STAG2: variants seen among roughly 807,000 people sequenced by gnomAD.
The protein encoded by STAG2 is cohesin subunit SA-2.
In STAG2, 14 loss-of-function variants were observed where a neutral mutation model predicts 108.1. The ratio of observed to expected loss-of-function variants is 0.13; its 90% CI spans 0.09 to 0.20. The LOEUF is 0.20. STAG2 is among the 10% of genes least tolerant of loss of function. The probability of loss-of-function intolerance (pLI) is 1.00; values close to 1 mark genes in which losing one functional copy is unlikely to be tolerated. For synonymous variants in STAG2, 307 were observed against 302.7 expected (o/e 1.01, Z -0.15); for missense variants, 440 against 940.9 (o/e 0.47, Z 6.96).
intron 32 of STAG2, among the ~76,000 whole-genome samples, chrX:124,092,055 A>G (rs1324802697): frequency 9.0e-6 from 1 of 111,547 alleles, no homozygotes; most frequent in African/African-American, 3.3e-5. Flanking sequence ...AATGTGGTAT[A>G]TGTTTTACTA....
intron 28 of STAG2, among the ~76,000 whole-genome samples, chrX:124,082,333 A>G (rs1405752909): frequency 8.9e-5 from 10 of 111,744 alleles, no homozygotes; most frequent in African/African-American, 1.6e-4. Context: ...TTAGTGATCA[A>G]TTGCACTTTT....
intron 1 of STAG2, among the ~76,000 whole-genome samples, chrX:124,007,141 C>T (rs942119855): frequency 9.5e-6 from 1 of 105,373 alleles, no homozygotes; most frequent in African/African-American, 3.5e-5. Context: ...CCTCCCCCTC[C>T]ACCCTTTCCC....
chrX:124,039,749 C>CA (rs2057648699), intron 6 of STAG2, among the ~76,000 whole-genome samples: 1 of 109,094 alleles, frequency 9.2e-6, no homozygotes, highest in Non-Finnish European at 1.9e-5. Flanking sequence ...CTTGGCCTCC[C>CA]AAAGTGCTGG....
rs749657727 is a variant in STAG2 at position 124,058,281 on chromosome X, C to T, written c.1416+304C>T. 1.4e-3 allele frequency among the ~76,000 whole-genome samples: 148 copies of T among 109,483 alleles called. 1 individual carries two copies. Among genetic ancestry groups the T allele is most frequent in the African/African-American group, 4.8e-3 (144 of 30,100 alleles). On this transcript the variant is annotated intron_variant, in intron 15 of 34. Transcript: ENST00000371145. ...CAAGCAGTTCTCCTGCCTCAGCCTC[C>T]CGAGTAGCTGGGCTTCCAGGCGTGT... is the stretch of plus-strand genomic sequence containing the variant.
chrX:124,084,225 A>C (rs186329992), intron 29 of STAG2, among the ~76,000 whole-genome samples: 4 of 112,231 alleles, frequency 3.6e-5, no homozygotes, highest in African/African-American at 1.3e-4. Flanking sequence ...TATAGATTTT[A>C]TATGAAATTC....
At chrX:123,963,444 G>A (rs759266179) in intron 1 of STAG2, 3 of 111,083 alleles carry the variant, frequency 2.7e-5, no homozygotes, top group Non-Finnish European at 5.7e-5. Flanking sequence ...TGAACAGTGG[G>A]GTTAATTTTC....
chrX:124,061,397 A>G (rs2058371824), intron 16 of STAG2, 56 bp downstream of exon 16: 1 of 851,916 alleles, frequency 1.2e-6, no homozygotes, highest in Non-Finnish European at 1.7e-6. Context: ...GTAGATTTTT[A>G]CTCATTCCAT....
At chrX:124,014,988 T>C (rs1420165636) in intron 1 of STAG2, among the ~76,000 whole-genome samples, 5 of 79,265 alleles carry the variant, frequency 6.3e-5, no homozygotes, top group Admixed American at 2.8e-4. Context: ...TCTTTTTTTT[T>C]TTTTTTTTTT....
At chrX:124,042,787 G>A (rs896063334) in intron 7 of STAG2, 142 bp downstream of exon 7, 14 of 447,563 alleles carry the variant, frequency 3.1e-5, no homozygotes, top group South Asian at 7.6e-5. Context: ...CGAGGCAGGC[G>A]GATCACCTGA....
At chrX:124,009,431 G>GATAGATAGA (rs1569501865) in intron 1 of STAG2, among the ~76,000 whole-genome samples, 27 of 53,936 alleles carry the variant, frequency 5.0e-4, no homozygotes, top group East Asian at 2.2e-3. Flanking sequence ...AGGTAGGTAG[G>GATAGATAGA]TAGGTAGGTA....
chrX:123,985,144 C>CT (rs992669998), intron 1 of STAG2, among the ~76,000 whole-genome samples: 92 of 107,314 alleles, frequency 8.6e-4, no homozygotes, highest in African/African-American at 2.6e-3. Context: ...TCATTAAATA[C>CT]TTTTTTTTTT....
chrX:123,965,309 A>G (rs931023201), intron 1 of STAG2, among the ~76,000 whole-genome samples: 1 of 112,251 alleles, frequency 8.9e-6, no homozygotes, highest in Non-Finnish European at 1.9e-5. Flanking sequence ...AAACTACTAC[A>G]CTAACACATG....
chrX:124,057,994 T>C lies in STAG2; in HGVS notation c.1416+17T>C, dbSNP rs779041890. 2.7e-6 allele frequency: 3 copies of C among 1,091,682 alleles called. No homozygotes were observed. The South Asian group carries it at 6.3e-5, about 23-fold the overall frequency. 90.0% of individuals were successfully genotyped at this position (1,091,682 alleles called of 1,213,427 possible). On this transcript the variant is annotated intron_variant, in intron 15 of 34. Coordinates refer to ENST00000371145, the MANE Select transcript of STAG2 (RefSeq NM_001042750.2). ...GAAAGTGAGGTTAGTTGATAGTATT[T>C]ATTTTATACTTAGGTTCGAAAAATT...
In STAG2 at chrX:124,042,639, C is replaced by T. The variant is rs2057753508; in HGVS notation, c.456C>T (p.Phe152=). The change falls in exon 7 of 35, where the codon TTC becomes TTT. Residue 152 remains phenylalanine, a synonymous_variant. Transcript: ENST00000371145. ...TAATTCGAAAAATGACTGAAGAATT[C>T]GATGAGGTAACTTACTACCTTAAGT... is the stretch of plus-strand genomic sequence containing the variant. ...SEIIRKMTEE[F]DEDSGDYPLT... The T allele has an allele frequency of 3.4e-6, 4 of 1,164,883 alleles. No individual in the cohort carries two copies. Among genetic ancestry groups the T allele is most frequent in the African/African-American group, 3.5e-5 (2 of 56,800 alleles).
At position 124,000,833 on chromosome X, in the gene STAG2, AT is replaced by A. The variant is rs764935165; in HGVS notation, c.-162-20533del. Reference sequence around the variant, plus strand: ...CAAGATGTAGAAGTGTAAGACAGTTATATTGATGATCCTGACCCTATGTAGG... The same window carrying A: ...CAAGATGTAGAAGTGTAAGACAGTTAATTGATGATCCTGACCCTATGTAGG... On this transcript the variant is annotated intron_variant, in intron 1 of 34. Transcript: ENST00000371145. 1.7e-3 allele frequency among the ~76,000 whole-genome samples: 192 copies of A among 112,146 alleles called. 1 individual carries two copies. Among genetic ancestry groups the A allele is most frequent in the African/African-American group, 6.1e-3 (187 of 30,901 alleles).
At chrX:124,005,916 CT>C (rs754913412) in intron 1 of STAG2, among the ~76,000 whole-genome samples, 4 of 111,658 alleles carry the variant, frequency 3.6e-5, no homozygotes, top group Non-Finnish European at 7.5e-5. Flanking sequence ...TGCTGGCAAT[CT>C]TTGGTGTCCT....
At chrX:124,098,286 C>T (rs2059432182) in intron 34 of STAG2, among the ~76,000 whole-genome samples, 1 of 111,114 alleles carries the variant, frequency 9.0e-6, no homozygotes, top group Non-Finnish European at 1.9e-5. Context: ...ATAGCATTAC[C>T]ACATGATGGC....
intron 1 of STAG2, among the ~76,000 whole-genome samples, chrX:123,968,549 A>G (rs2054209853): frequency 1.8e-5 from 2 of 111,169 alleles, no homozygotes; most frequent in Admixed American, 1.9e-4. Context: ...GGCCCCAGTT[A>G]CTGGGGAGGC....
intron 1 of STAG2, among the ~76,000 whole-genome samples, chrX:124,000,553 G>A (rs773052267): frequency 8.1e-5 from 9 of 110,700 alleles, no homozygotes; most frequent in Non-Finnish European, 5.7e-5. Flanking sequence ...GTGCATGCCT[G>A]TAGTCTCAGC....
Sources: allele counts gnomAD v4.1 joint callset (sites outside exome capture counted in the v4.1 genomes callset), GRCh38; gene constraint gnomAD v4.1.1; transcripts MANE v1.5; gene names NCBI Gene and HGNC (gene_info 2026-07-23, HGNC 2026-07-21).